NRG3: variants seen among roughly 807,000 people sequenced by gnomAD.
The protein encoded by NRG3 is neuregulin 3, also known as pro-neuregulin-3, membrane-bound isoform.
A neutral mutation model predicts 66.9 loss-of-function variants in NRG3; 31 were observed. The observed-to-expected ratio is 0.46, with a 90% confidence interval of 0.35 to 0.63. NRG3 has a LOEUF of 0.63. Among genes scored for constraint, NRG3 ranks in the 20% least tolerant of loss-of-function variants. The probability of loss-of-function intolerance (pLI) is 0.00; values close to 1 mark genes in which losing one functional copy is unlikely to be tolerated. For synonymous variants in NRG3, 393 were observed against 359.4 expected (o/e 1.09, Z -1.06); for missense variants, 910 against 878.9 (o/e 1.04, Z -0.45).
Position 82,580,901 on chromosome 10 carries a change from T to TTGTG in NRG3, c.954-157642_954-157639dup, listed in dbSNP as rs56906298. Reference sequence around the variant, plus strand: ...AACATTTGTATGTAAGTTTGTAAGTTTGTGTGTGTGTGTGTGTGTGTGTGT... The same window carrying TTGTG: ...AACATTTGTATGTAAGTTTGTAAGTTTGTGTGTGTGTGTGTGTGTGTGTGTGTGT... On this transcript the variant is annotated intron_variant, in intron 2 of 8. Transcript: ENST00000372141. Among the ~76,000 whole-genome samples, 1,329 of 147,292 alleles carry TTGTG rather than the reference T, an allele frequency of 9.0e-3. 10 individuals carry two copies. Among genetic ancestry groups the TTGTG allele is most frequent in the Non-Finnish European group, 0.013 (879 of 66,426 alleles).
intron 4 of NRG3, among the ~76,000 whole-genome samples, chr10:82,884,831 A>G (rs961800318): frequency 1.3e-5 from 2 of 152,214 alleles, no homozygotes; most frequent in Non-Finnish European, 2.9e-5. Context: ...TGCTGTTGCC[A>G]CTGGTCTGAC....
intron 4 of NRG3, among the ~76,000 whole-genome samples, chr10:82,890,203 T>A (rs1448648947): frequency 6.6e-6 from 1 of 151,634 alleles, no homozygotes; most frequent in Non-Finnish European, 1.5e-5. Context: ...TCTAAAATTG[T>A]GAACATATAG....
intron 4 of NRG3, among the ~76,000 whole-genome samples, chr10:82,867,824 A>C (rs546280326): frequency 6.6e-6 from 1 of 151,926 alleles, no homozygotes; most frequent in South Asian, 2.1e-4. Flanking sequence ...TCATGGGCAT[A>C]TTTTTGCAGT....
intron 3 of NRG3, among the ~76,000 whole-genome samples, chr10:82,775,553 G>A (rs975203002): frequency 2.0e-5 from 3 of 151,964 alleles, no homozygotes; most frequent in African/African-American, 7.2e-5. Flanking sequence ...AATGTTCCAT[G>A]TGCACAAGAG....
intron 1 of NRG3, among the ~76,000 whole-genome samples, chr10:82,129,838 G>A (rs1392336782): frequency 6.6e-6 from 1 of 152,102 alleles, no homozygotes; most frequent in African/African-American, 2.4e-5. Context: ...TGGGATTACA[G>A]GTGTGAGAAC....
chr10:82,279,502 AACTG>A (rs2079025483), intron 1 of NRG3, among the ~76,000 whole-genome samples: 1 of 152,206 alleles, frequency 6.6e-6, no homozygotes, highest in South Asian at 2.1e-4. Flanking sequence ...ATGAAGATTA[AACTG>A]ACTGAAAACC....
chr10:82,355,766 C>G (rs1172631740), intron 1 of NRG3, among the ~76,000 whole-genome samples: 1 of 152,078 alleles, frequency 6.6e-6, no homozygotes, highest in Non-Finnish European at 1.5e-5. Flanking sequence ...GCCAATGCCT[C>G]TGTGATTTCA....
chr10:82,110,018 C>T (rs2067292958), intron 1 of NRG3, among the ~76,000 whole-genome samples: 1 of 152,092 alleles, frequency 6.6e-6, no homozygotes, highest in Non-Finnish European at 1.5e-5. Flanking sequence ...GGTGAAACAA[C>T]AACAGTCAAA....
chr10:82,295,276 A>C (rs1454223615), intron 1 of NRG3, among the ~76,000 whole-genome samples: 2 of 152,230 alleles, frequency 1.3e-5, no homozygotes, highest in Admixed American at 6.5e-5. Flanking sequence ...TGTAGATGGG[A>C]TTCCATGGAA....
intron 1 of NRG3, among the ~76,000 whole-genome samples, chr10:82,068,450 A>G (rs1006444507): frequency 3.3e-5 from 5 of 152,246 alleles, no homozygotes; most frequent in African/African-American, 1.2e-4. Context: ...ACCCATGTGC[A>G]AAATAGACGT....
chr10:82,708,297 C>T (rs1298170000), intron 2 of NRG3, among the ~76,000 whole-genome samples: 2 of 152,044 alleles, frequency 1.3e-5, no homozygotes, highest in Non-Finnish European at 2.9e-5. Context: ...CCATTTTTCT[C>T]TTTTCTTTTT....
At chr10:82,009,894 A>G (rs1337860857) in intron 1 of NRG3, among the ~76,000 whole-genome samples, 1 of 152,176 alleles carries the variant, frequency 6.6e-6, no homozygotes, top group African/African-American at 2.4e-5. Context: ...AAGCACATGT[A>G]TTATGACCTG....
rs539677342 is a variant in NRG3 at position 82,876,789 on chromosome 10, G to A, written c.1054+11352G>A. On this transcript the variant is annotated intron_variant, in intron 4 of 8. Coordinates refer to ENST00000372141, the MANE Select transcript of NRG3 (RefSeq NM_001010848.4). ...CTGTAGTCCCAGCAGTTGGGAGGCC[G>A]AGGCAGGTGGATCGCTTGAGGTCAT... Among the ~76,000 whole-genome samples, 490 of 152,214 alleles carry A rather than the reference G, an allele frequency of 3.2e-3. 1 individual carries two copies. The highest frequency in any genetic ancestry group is 0.012 in the South Asian group (60 of 4,814).
intron 2 of NRG3, among the ~76,000 whole-genome samples, chr10:82,410,218 G>A (rs188840589): frequency 2.6e-3 from 391 of 152,180 alleles, no homozygotes; most frequent in African/African-American, 8.9e-3. Context: ...ATGGCTGGGC[G>A]TGGTGGCTCA....
At chr10:82,567,058 T>C (rs1660375966) in intron 2 of NRG3, among the ~76,000 whole-genome samples, 1 of 151,938 alleles carries the variant, frequency 6.6e-6, no homozygotes, top group Admixed American at 6.6e-5. Flanking sequence ...GTCTCCACCA[T>C]CTAAACCCAC....
chr10:82,312,397 T>A (rs1340007453), intron 1 of NRG3, among the ~76,000 whole-genome samples: 2 of 152,066 alleles, frequency 1.3e-5, no homozygotes, highest in East Asian at 3.9e-4. Flanking sequence ...AACTCATATA[T>A]AAAAAGGTTG....
At chr10:82,803,829 A>G (rs989937510) in intron 3 of NRG3, among the ~76,000 whole-genome samples, 16 of 152,246 alleles carry the variant, frequency 1.1e-4, no homozygotes, top group Admixed American at 7.8e-4. Flanking sequence ...TAATTTGAAC[A>G]CACGAAGTAG....
intron 2 of NRG3, among the ~76,000 whole-genome samples, chr10:82,486,777 A>G (rs1842714286): frequency 6.6e-6 from 1 of 152,142 alleles, no homozygotes; most frequent in Admixed American, 6.5e-5. Context: ...ATGCTATAAC[A>G]TGGATCAACT....
At chr10:82,431,784 A>G (rs1459776172) in intron 2 of NRG3, among the ~76,000 whole-genome samples, 1 of 152,186 alleles carries the variant, frequency 6.6e-6, no homozygotes, top group Admixed American at 6.5e-5. Flanking sequence ...TACTATGTTT[A>G]TCTTCTTGCT....
Sources: allele counts gnomAD v4.1 joint callset (sites outside exome capture counted in the v4.1 genomes callset), GRCh38; gene constraint gnomAD v4.1.1; transcripts MANE v1.5; gene names NCBI Gene and HGNC (gene_info 2026-07-23, HGNC 2026-07-21).